The following SELENOO variants were observed in gnomAD, a reference collection of about 807,000 sequenced individuals.
The protein encoded by SELENOO is selenoprotein O.
Under a neutral mutation model 58.7 loss-of-function variants are expected in SELENOO, and 74 were observed. The observed-to-expected ratio is 1.26, with a 90% CI of 1.04 to 1.53. The LOEUF (loss-of-function observed/expected upper bound fraction) is 1.53, where lower values mean the gene tolerates loss of function less well. Ranked by LOEUF, SELENOO falls within the 40% of genes most tolerant of loss-of-function variation. The pLI is 0.00. For synonymous variants in SELENOO, 543 were observed against 453.2 expected, an observed-to-expected ratio of 1.20 and a Z score of -2.52; for missense variants, 1,149 against 970.0, an observed-to-expected ratio of 1.18 and a Z score of -2.45.
intron 5 of SELENOO, 56 bp from the exon 6 acceptor site, chr22:50,215,661 C>T (rs1385419565): frequency 8.3e-6 from 12 of 1,448,286 alleles, no homozygotes; most frequent in Admixed American, 3.8e-5. Flanking sequence ...TGTGTGGCAC[C>T]AGGACAGGGA....
At chr22:50,210,501 C>G in intron 4 of SELENOO, 130 bp from the exon 5 acceptor site, 27 of 1,425,508 alleles carry the variant, frequency 1.9e-5, no homozygotes, top group Non-Finnish European at 2.5e-5. Flanking sequence ...GAGACAGGAC[C>G]CCTGTGGGAC....
intron 5 of SELENOO, among the ~76,000 whole-genome samples, chr22:50,212,299 T>A (rs1053764969): frequency 2.6e-5 from 4 of 152,244 alleles, no homozygotes; most frequent in Non-Finnish European, 5.9e-5. Flanking sequence ...TGATTACTGA[T>A]CAGTCTCCTT....
chr22:50,209,536 C>T (rs1288006171), intron 3 of SELENOO: 1 of 152,674 alleles, frequency 6.5e-6, no homozygotes, highest in African/African-American at 2.4e-5. Flanking sequence ...CCGGCATAGA[C>T]ATGCGTGGGT....
Position 50,201,519 on chromosome 22 carries a change from C to G in SELENOO, c.483C>G (p.Gly161=). The change falls in exon 1 of 9, where the codon GGC becomes GGG. Residue 161 remains glycine (G), a synonymous_variant. Transcript: ENST00000380903. ...GCGACGGCGCCGCCATGTACCTGGG[C>G]GAGGTGTGCACGGCGACCGGCGAGC... ...QLGDGAAMYL[G]EVCTATGERW... is the part of the protein sequence containing the mutation. The G allele has an allele frequency of 1.4e-6, 2 of 1,426,160 alleles. No homozygotes were observed. Among genetic ancestry groups the G allele is most frequent in the Non-Finnish European group, 1.8e-6 (2 of 1,088,720 alleles). The allele number at this position is 1,426,160 out of a possible 1,614,324, so 88.3% of individuals were successfully genotyped here.
intron 1 of SELENOO, among the ~76,000 whole-genome samples, chr22:50,204,595 T>C (rs932337860): frequency 2.0e-5 from 3 of 150,636 alleles, no homozygotes; most frequent in African/African-American, 7.4e-5. Flanking sequence ...CCACTGTCCC[T>C]GGGTGACAGA....
intron 5 of SELENOO, among the ~76,000 whole-genome samples, chr22:50,215,228 C>CAG (rs543754254): frequency 8.6e-4 from 131 of 152,300 alleles, no homozygotes; most frequent in African/African-American, 2.9e-3. Flanking sequence ...GCTCCCAAAG[C>CAG]AGGCAGTTGT....
At chr22:50,202,212 C>G (rs978764573) in intron 1 of SELENOO, among the ~76,000 whole-genome samples, 1 of 77,168 alleles carries the variant, frequency 1.3e-5, no homozygotes, top group Non-Finnish European at 2.8e-5. Context: ...TTGTGAATGA[C>G]TAGGAAAGTG....
chr22:50,206,254 G>A (rs942734807), intron 1 of SELENOO, 63 bp from the exon 2 acceptor site: 29 of 1,452,128 alleles, frequency 2.0e-5, no homozygotes, highest in Admixed American at 6.8e-5. Flanking sequence ...TGTGCTGCCC[G>A]GAATCCTGGT....
intron 2 of SELENOO, among the ~76,000 whole-genome samples, chr22:50,206,898 G>GT (rs1242450033): frequency 2.0e-5 from 3 of 152,100 alleles, no homozygotes; most frequent in Non-Finnish European, 4.4e-5. Flanking sequence ...CTTCTGGGGG[G>GT]GAGGGGGTCC....
chr22:50,216,457 G>A (rs889425203), intron 6 of SELENOO, among the ~76,000 whole-genome samples: 3 of 152,260 alleles, frequency 2.0e-5, no homozygotes, highest in African/African-American at 7.2e-5. Context: ...CTGGGCAGCA[G>A]AGTGGTCCTG....
At chr22:50,216,294 C>G (rs1011230731) in intron 6 of SELENOO, among the ~76,000 whole-genome samples, 2 of 152,224 alleles carry the variant, frequency 1.3e-5, no homozygotes, top group African/African-American at 4.8e-5. Flanking sequence ...GCTGGGAGCA[C>G]CGGCCAGCAG....
chr22:50,209,016 G>A (rs1259364672), intron 3 of SELENOO, among the ~76,000 whole-genome samples: 1 of 152,184 alleles, frequency 6.6e-6, no homozygotes, highest in East Asian at 1.9e-4. Flanking sequence ...AAGGACCATG[G>A]GCTGGGCACC....
At chr22:50,208,760 G>C in intron 3 of SELENOO, 44 bp downstream of exon 3, 2 of 1,576,140 alleles carry the variant, frequency 1.3e-6, no homozygotes, top group South Asian at 1.1e-5. Context: ...TGGATGCTGG[G>C]TGTCCCCACC....
At position 50,215,800 on chromosome 22, in the gene SELENOO, A is replaced by C. The variant is rs760451147; in HGVS notation, c.1435A>C (p.Arg479=). The change falls in exon 6 of 9, where the codon AGG becomes CGG. Residue 479 remains arginine (R), a synonymous_variant. Transcript: ENST00000380903. ...GCCAGGCCTGGCGGAATTCCTGGCC[A>C]GGCTGATGGAGCAGTGTGCCTCCCT... is the stretch of plus-strand genomic sequence containing the variant. The part of the protein sequence containing the change: ...ESPGLAEFLA[R]LMEQCASLEE... 2.5e-6 allele frequency: 4 copies of C among 1,612,728 alleles called. No individual in the cohort carries two copies. The highest frequency in any genetic ancestry group is 3.3e-5 in the Admixed American group (2 of 59,992).
chr22:50,202,634 A>G (rs1002228388), intron 1 of SELENOO, among the ~76,000 whole-genome samples: 1 of 151,620 alleles, frequency 6.6e-6, no homozygotes, highest in Admixed American at 6.6e-5. Context: ...ATTTTTGGTG[A>G]TATTTTAAAG....
Position 50,210,191 on chromosome 22 carries a change from G to T in SELENOO, c.950G>T (p.Arg317Leu). 1 of 1,613,168 alleles carries T rather than the reference G, an allele frequency of 6.2e-7. No individual in the cohort carries two copies. Among genetic ancestry groups the T allele is most frequent in the South Asian group, 1.1e-5 (1 of 91,044 alleles). The stretch of plus-strand genomic sequence containing the variant: ...ACTGTCCCACCCCAGGTGACGCGGC[G>T]CACGGCGCGGATGGTGGCCGAGTGG... The part of the protein sequence containing the change: ...NAAFFREVTR[R>L]TARMVAEWQC... Residue 317 changes from arginine (R) to leucine (L), a missense_variant, in exon 4 of 9, where the codon CGC becomes CTC. By Grantham distance (102) the Arg-to-Leu change is moderately radical. Transcript: ENST00000380903.
intron 5 of SELENOO, among the ~76,000 whole-genome samples, chr22:50,214,697 G>A (rs528683289): frequency 3.8e-4 from 58 of 152,350 alleles, no homozygotes; most frequent in African/African-American, 9.6e-4. Context: ...CCCAGGAGGC[G>A]GAGGTTGCAG....
chr22:50,215,699 G>C lies in SELENOO; in HGVS notation c.1352-18G>C. The C allele has an allele frequency of 6.3e-7, 1 of 1,575,190 alleles. No homozygotes were observed. Among genetic ancestry groups the C allele is most frequent in the East Asian group, 2.3e-5 (1 of 44,026 alleles). On this transcript the variant is annotated intron_variant, in intron 5 of 8. Coordinates refer to ENST00000380903, the MANE Select transcript of SELENOO (RefSeq NM_031454.2). ...CTGGGCCTTCTGCTTCCAGCTCCCT[G>C]AGCAGCCTGTGTTCCAGGTGCCGAC... is the stretch of plus-strand genomic sequence containing the variant.
rs1416444160 is a variant in SELENOO at position 50,217,448 on chromosome 22, G to GC, written c.*82dup. The GC allele has an allele frequency of 2.0e-6, 3 of 1,519,888 alleles. No homozygotes were observed. The highest frequency in any genetic ancestry group is 1.8e-6 in the Non-Finnish European group (2 of 1,121,528). 94.2% of individuals were successfully genotyped at this position (1,519,888 alleles called of 1,614,324 possible). ...TGAGTGGCCAAGATGATGCCAGGCT[G>GC]CCCTATACACTGGGGGATTCTGCCC... On this transcript the variant is annotated 3_prime_UTR_variant, in exon 9 of 9. Transcript: ENST00000380903.
Sources: allele counts gnomAD v4.1 joint callset (sites outside exome capture counted in the v4.1 genomes callset), GRCh38; gene constraint gnomAD v4.1.1; transcripts MANE v1.5; gene names NCBI Gene and HGNC (gene_info 2026-07-23, HGNC 2026-07-21).